The following KCNIP4 variants were observed in gnomAD, a reference collection of about 807,000 sequenced individuals.
KCNIP4 encodes potassium voltage-gated channel interacting protein 4.
Under a neutral mutation model 34.0 loss-of-function variants are expected in KCNIP4, and 12 were observed. That is an observed-to-expected ratio of 0.35 (90% CI 0.23 to 0.57). The LOEUF (loss-of-function observed/expected upper bound fraction) is 0.57. Ranked by LOEUF, KCNIP4 falls within the 20% of genes least tolerant of loss-of-function variation. The probability of loss-of-function intolerance (pLI) is 0.83; values close to 1 mark genes in which losing one functional copy is unlikely to be tolerated. For missense variants in KCNIP4, 238 were observed against 311.7 expected, an observed-to-expected ratio of 0.76 and a Z score of 1.78; for synonymous variants, 124 against 102.2, an observed-to-expected ratio of 1.21 and a Z score of -1.29.
At chr4:20,732,111 T>A in intron 7 of KCNIP4, 43 bp from the exon 8 acceptor site, 1 of 1,360,228 alleles carries the variant, frequency 7.4e-7, no homozygotes, top group Non-Finnish European at 1.1e-6. Context: ...ACTTATCCCT[T>A]AATACCCTCA....
chr4:21,615,765 T>C (rs1444533249), intron 1 of KCNIP4, among the ~76,000 whole-genome samples: 1 of 152,150 alleles, frequency 6.6e-6, no homozygotes, highest in Non-Finnish European at 1.5e-5. Context: ...GGAATCATTC[T>C]TTACTCCTCT....
intron 1 of KCNIP4, among the ~76,000 whole-genome samples, chr4:21,123,039 T>C (rs984405892): frequency 1.3e-5 from 2 of 150,026 alleles, no homozygotes; most frequent in South Asian, 4.2e-4. Flanking sequence ...TGAAACCCCA[T>C]CTCTACCAAA....
At chr4:21,021,118 A>T (rs1739997706) in intron 1 of KCNIP4, among the ~76,000 whole-genome samples, 1 of 152,220 alleles carries the variant, frequency 6.6e-6, no homozygotes, top group South Asian at 2.1e-4. Flanking sequence ...CCTGTACAGC[A>T]TGTTACTGTA....
chr4:21,014,505 A>G (rs1447814248), intron 1 of KCNIP4, among the ~76,000 whole-genome samples: 1 of 152,230 alleles, frequency 6.6e-6, no homozygotes, highest in East Asian at 1.9e-4. Flanking sequence ...GCATCACTTA[A>G]AGAATAACAT....
intron 1 of KCNIP4, among the ~76,000 whole-genome samples, chr4:20,918,616 G>A (rs908352700): frequency 6.6e-6 from 1 of 152,136 alleles, no homozygotes; most frequent in Non-Finnish European, 1.5e-5. Context: ...CTAGGAACTG[G>A]AATTCGGCAG....
intron 1 of KCNIP4, among the ~76,000 whole-genome samples, chr4:21,200,324 GTGTATA>G (rs1756383291): frequency 1.6e-5 from 1 of 60,966 alleles, no homozygotes; most frequent in Admixed American, 1.4e-4. Context: ...ACATATATGT[GTGTATA>G]TATATATACA....
chr4:21,830,297 T>C (rs10006961), intron 1 of KCNIP4, among the ~76,000 whole-genome samples: 72,463 of 151,928 alleles, frequency 0.48, 18,162 homozygotes, highest in East Asian at 0.65. Flanking sequence ...ATAACAATTA[T>C]ATATATGTAC....
intron 1 of KCNIP4, among the ~76,000 whole-genome samples, chr4:20,970,520 T>C (rs960590980): frequency 1.3e-5 from 2 of 152,156 alleles, no homozygotes; most frequent in Non-Finnish European, 2.9e-5. Context: ...GGGAGTGATC[T>C]CACCTACCCT....
chr4:21,370,713 G>T (rs1271393303), intron 1 of KCNIP4, among the ~76,000 whole-genome samples: 1 of 135,400 alleles, frequency 7.4e-6, no homozygotes, highest in Non-Finnish European at 1.5e-5. Context: ...AGAAAAGCTT[G>T]CCAGGTACAG....
chr4:20,995,489 T>C (rs1191310838), intron 1 of KCNIP4, among the ~76,000 whole-genome samples: 1 of 152,150 alleles, frequency 6.6e-6, no homozygotes, highest in Non-Finnish European at 1.5e-5. Flanking sequence ...TCCAGAATGG[T>C]TAAGACACTT....
At chr4:21,746,907 T>A (rs967673680) in intron 1 of KCNIP4, among the ~76,000 whole-genome samples, 2 of 152,200 alleles carry the variant, frequency 1.3e-5, no homozygotes, top group Admixed American at 6.5e-5. Flanking sequence ...TTCTTTAAGA[T>A]AACACAATTG....
chr4:20,809,262 C>A lies in KCNIP4; in HGVS notation c.288+41281G>T, dbSNP rs553994751. 5.2e-4 allele frequency among the ~76,000 whole-genome samples: 79 copies of A among 152,216 alleles called. 1 individual carries two copies. Among genetic ancestry groups the A allele is most frequent in the Non-Finnish European group, 8.1e-4 (55 of 68,008 alleles). The stretch of plus-strand genomic sequence containing the variant: ...CAGGAAATTTTTTAAAGAAGAAATG[C>A]AAGAACTGGAAATTACATATGTGAC... On this transcript the variant is annotated intron_variant, in intron 3 of 8. Coordinates refer to ENST00000382152, the MANE Select transcript of KCNIP4 (RefSeq NM_025221.6).
chr4:21,417,151 G>A (rs559799520), intron 1 of KCNIP4, among the ~76,000 whole-genome samples: 1 of 152,142 alleles, frequency 6.6e-6, no homozygotes, highest in African/African-American at 2.4e-5. Context: ...ACTCTATGAA[G>A]CCAGTAAAGT....
intron 1 of KCNIP4, among the ~76,000 whole-genome samples, chr4:21,813,270 C>T (rs1721772886): frequency 6.6e-6 from 1 of 152,114 alleles, no homozygotes; most frequent in Admixed American, 6.5e-5. Flanking sequence ...TTCTGTCTTG[C>T]AAAATCCCTA....
chr4:20,882,763 G>C, intron 1 of KCNIP4, 54 bp from the exon 2 acceptor site: 1 of 1,378,770 alleles, frequency 7.3e-7, no homozygotes. Flanking sequence ...GAAAAGGGAC[G>C]TGCTGCAGGG....
chr4:21,827,755 C>T (rs1355268235), intron 1 of KCNIP4, among the ~76,000 whole-genome samples: 3 of 151,876 alleles, frequency 2.0e-5, no homozygotes, highest in Admixed American at 6.6e-5. Flanking sequence ...CCTAAGAATC[C>T]CTAACCACAA....
rs959405995 is a variant in KCNIP4 at position 20,910,269 on chromosome 4, A to G, written c.62-27560T>C. 4.6e-5 allele frequency among the ~76,000 whole-genome samples: 7 copies of G among 151,268 alleles called. 1 individual carries two copies. Among genetic ancestry groups the G allele is most frequent in the Non-Finnish European group, 5.9e-5 (4 of 67,858 alleles). On this transcript the variant is annotated intron_variant, in intron 1 of 8. Coordinates refer to ENST00000382152, the MANE Select transcript of KCNIP4 (RefSeq NM_025221.6). Reference sequence around the variant, plus strand: ...AGGGAAGGAATTTTTGTGTGTGATTATTTGTGTGTCTGTATGTGTGTGTGT... The same window carrying G: ...AGGGAAGGAATTTTTGTGTGTGATTGTTTGTGTGTCTGTATGTGTGTGTGT...
At chr4:20,974,375 G>A (rs781200773) in intron 1 of KCNIP4, among the ~76,000 whole-genome samples, 1 of 152,148 alleles carries the variant, frequency 6.6e-6, no homozygotes, top group East Asian at 1.9e-4. Context: ...AGGAGTAACT[G>A]AATTCAGATT....
At chr4:21,139,003 T>C (rs897075205) in intron 1 of KCNIP4, among the ~76,000 whole-genome samples, 15 of 152,206 alleles carry the variant, frequency 9.9e-5, no homozygotes, top group Admixed American at 6.5e-5. Context: ...ATGTGTGTTG[T>C]TTCCAACCAT....
Sources: allele counts gnomAD v4.1 joint callset (sites outside exome capture counted in the v4.1 genomes callset), GRCh38; gene constraint gnomAD v4.1.1; transcripts MANE v1.5; gene names NCBI Gene and HGNC (gene_info 2026-07-23, HGNC 2026-07-21).